H1-8: variants seen among roughly 807,000 people sequenced by gnomAD.
The protein encoded by H1-8 is H1.8 linker histone.
A neutral mutation model predicts 19.5 loss-of-function variants in H1-8; 13 were observed. The observed-to-expected ratio is 0.67, with a 90% CI of 0.43 to 1.06. The LOEUF is 1.06. Ranked by LOEUF, H1-8 falls within the 50% of genes least tolerant of loss-of-function variation. The probability of loss-of-function intolerance (pLI) is 0.00; values close to 1 mark genes in which losing one functional copy is unlikely to be tolerated. For missense variants in H1-8, 432 were observed against 459.8 expected (o/e 0.94, Z 0.55); for synonymous variants, 193 against 187.6 (o/e 1.03, Z -0.24).
chr3:129,548,943 T>TG, intron 2 of H1-8, 58 bp from the exon 3 acceptor site: 4 of 1,529,354 alleles, frequency 2.6e-6, no homozygotes, highest in Middle Eastern at 1.8e-4. Context: ...TTACGGGGGG[T>TG]GGGGGGCGTG....
chr3:129,544,662 G>C (rs1187577621), intron 1 of H1-8, among the ~76,000 whole-genome samples: 1 of 152,068 alleles, frequency 6.6e-6, no homozygotes, highest in Non-Finnish European at 1.5e-5. Flanking sequence ...GAACAGACCT[G>C]AGGGAGGACT....
In H1-8 at chr3:129,549,171, G is replaced by A; in HGVS notation, c.549G>A (p.Val183=). The A allele has an allele frequency of 6.4e-7, 1 of 1,564,602 alleles. No individual in the cohort carries two copies. The highest frequency in any genetic ancestry group is 1.2e-5 in the South Asian group (1 of 85,872). The change falls in exon 3 of 5, where the codon GTG becomes GTA. Residue 183 remains valine, a synonymous_variant. Coordinates refer to ENST00000324382, the MANE Select transcript of H1-8 (RefSeq NM_153833.3). The part of the protein sequence containing the change: ...VKKAAKRPAK[V]QKPPPKPGAA... The stretch of plus-strand genomic sequence containing the variant: ...AGGCAGCCAAGAGGCCAGCAAAGGT[G>A]CAGAAGCCTCCTCCCAAGCCAGGCG...
At chr3:129,548,607 G>A in intron 2 of H1-8, 8 of 700,526 alleles carry the variant, frequency 1.1e-5, no homozygotes, top group Non-Finnish European at 1.4e-5. Flanking sequence ...GAGAAGACGT[G>A]GCTGTGGTAC....
rs1045156935 is a variant in H1-8 at position 129,549,230 on chromosome 3, CG to C, written c.610del (p.Ala204ProfsTer?). On this transcript the variant is annotated frameshift_variant, in exon 3 of 5. Coordinates refer to ENST00000324382, the MANE Select transcript of H1-8 (RefSeq NM_153833.3). LOFTEE classifies it high-confidence loss of function. ...ATEKARKQGG[A>X]AKDTRAQSGE... The stretch of plus-strand genomic sequence containing the variant: ...GAGAAGGCTCGCAAGCAAGGCGGCG[CG>C]GCCAAGGACACCAGGGCACAGTCGG... The C allele has an allele frequency of 6.3e-7, 1 of 1,582,514 alleles. No individual in the cohort carries two copies. Among genetic ancestry groups the C allele is most frequent in the African/African-American group, 1.3e-5 (1 of 74,654 alleles).
chr3:129,544,343 A>G (rs935840976), intron 1 of H1-8, among the ~76,000 whole-genome samples: 1 of 151,978 alleles, frequency 6.6e-6, no homozygotes, highest in Non-Finnish European at 1.5e-5. Context: ...GGTGTGAGAT[A>G]CAGCGAGGAG....
intron 3 of H1-8, 93 bp from the exon 4 acceptor site, chr3:129,550,652 A>G (rs2084926221): frequency 2.0e-6 from 2 of 1,020,420 alleles, no homozygotes; most frequent in Admixed American, 1.8e-5. Context: ...CCTAGGACCC[A>G]GGAGGAATGG....
chr3:129,543,447 T>TCACCCAGCACCCACCCAGCACC lies in H1-8; in HGVS notation c.88+142_88+163dup, dbSNP rs755193609. On this transcript the variant is annotated intron_variant, in intron 1 of 4. Coordinates refer to ENST00000324382, the MANE Select transcript of H1-8 (RefSeq NM_153833.3). ...CACCCACCCAGCACTCACCCAGCAC[T>TCACCCAGCACCCACCCAGCACC]CACCCAGCACCCACCCAGCACCAAG... The TCACCCAGCACCCACCCAGCACC allele has an allele frequency of 2.2e-3, 1,425 of 641,452 alleles. 26 individuals are homozygous for TCACCCAGCACCCACCCAGCACC. Among genetic ancestry groups the TCACCCAGCACCCACCCAGCACC allele is most frequent in the African/African-American group, 0.022 (1,174 of 54,440 alleles). 39.7% of individuals were successfully genotyped at this position (641,452 alleles called of 1,614,324 possible).
intron 2 of H1-8, chr3:129,548,372 C>T: frequency 1.0e-6 from 1 of 986,278 alleles, no homozygotes; most frequent in East Asian, 1.1e-4. Context: ...GGGCGTGGGT[C>T]AGAGCCTGGA....
At chr3:129,550,961 C>G (rs1017724491) in intron 4 of H1-8, 146 bp from the exon 5 acceptor site, 1 of 941,654 alleles carries the variant, frequency 1.1e-6, no homozygotes, top group Admixed American at 2.5e-5. Context: ...TCTCTGGTCC[C>G]CTGGCACCCT....
In H1-8 at chr3:129,548,939, G is replaced by C. The variant is rs1049908661; in HGVS notation, c.379-62G>C. On this transcript the variant is annotated intron_variant, in intron 2 of 4. Coordinates refer to ENST00000324382, the MANE Select transcript of H1-8 (RefSeq NM_153833.3). ...AGGCCTCCCATTCGGAGTCTTACGG[G>C]GGGTGGGGGGCGTGAGGCACCTGAG... is the stretch of plus-strand genomic sequence containing the variant. The C allele has an allele frequency of 3.9e-6, 6 of 1,532,454 alleles. No individual in the cohort carries two copies. The African/African-American group carries it at 6.9e-5, about 18-fold the overall frequency. 94.9% of individuals were successfully genotyped at this position (1,532,454 alleles called of 1,614,324 possible).
intron 1 of H1-8, 32 bp from the exon 2 acceptor site, chr3:129,547,359 G>A (rs1412901954): frequency 2.0e-6 from 3 of 1,465,240 alleles, no homozygotes; most frequent in Non-Finnish European, 1.8e-6. Flanking sequence ...TTGTGACTGG[G>A]CCCCGGGTGA....
chr3:129,549,189 G>T lies in H1-8; in HGVS notation c.567G>T (p.Lys189Asn), dbSNP rs2084913760. The part of the protein sequence containing the change: ...RPAKVQKPPP[K>N]PGAATEKARK... Reference sequence around the variant, plus strand: ...CAAAGGTGCAGAAGCCTCCTCCCAAGCCAGGCGCAGCCACAGAGAAGGCTC... The same window carrying T: ...CAAAGGTGCAGAAGCCTCCTCCCAATCCAGGCGCAGCCACAGAGAAGGCTC... The change falls in exon 3 of 5, where the codon AAG (lysine) becomes AAT (asparagine). Residue 189 changes from lysine (K) to asparagine (N), a missense_variant. Transcript: ENST00000324382. 1 of 1,565,234 alleles carries T rather than the reference G, an allele frequency of 6.4e-7. No homozygotes were observed. The highest frequency in any genetic ancestry group is 1.9e-5 in the Admixed American group (1 of 51,568).
At chr3:129,545,355 C>A (rs147075843) in intron 1 of H1-8, among the ~76,000 whole-genome samples, 26 of 152,268 alleles carry the variant, frequency 1.7e-4, no homozygotes, top group Admixed American at 6.5e-4. Context: ...ATATTTAAAT[C>A]CCTTTTATGC....
At chr3:129,550,284 C>A (rs2084923977) in intron 3 of H1-8, among the ~76,000 whole-genome samples, 1 of 152,122 alleles carries the variant, frequency 6.6e-6, no homozygotes, top group Non-Finnish European at 1.5e-5. Flanking sequence ...TACCTGTTGC[C>A]CCAGCTACTT....
At chr3:129,543,520 C>T (rs186681768) in intron 1 of H1-8, among the ~76,000 whole-genome samples, 1 of 152,144 alleles carries the variant, frequency 6.6e-6, no homozygotes, top group Non-Finnish European at 1.5e-5. Flanking sequence ...CTACAGGTAG[C>T]AAGGCCAGGT....
At chr3:129,545,047 A>G (rs550249782) in intron 1 of H1-8, among the ~76,000 whole-genome samples, 1 of 151,038 alleles carries the variant, frequency 6.6e-6, no homozygotes, top group Non-Finnish European at 1.5e-5. Flanking sequence ...TTGAAAAAAA[A>G]TTTTAATATA....
chr3:129,546,009 G>A (rs2084883886), intron 1 of H1-8, among the ~76,000 whole-genome samples: 1 of 151,968 alleles, frequency 6.6e-6, no homozygotes. Context: ...GAGCATGGTG[G>A]CTCATGCTTG....
At chr3:129,550,839 GCTGC>G in intron 4 of H1-8, 30 bp downstream of exon 4, 1 of 1,589,588 alleles carries the variant, frequency 6.3e-7, no homozygotes, top group Non-Finnish European at 8.6e-7. Flanking sequence ...TCCTGGCCTG[GCTGC>G]CTGCCCTGAA....
chr3:129,548,267 A>G lies in H1-8; in HGVS notation c.378+587A>G, dbSNP rs60499318. 9,063 of 929,326 alleles carry G rather than the reference A, an allele frequency of 9.8e-3. 625 individuals are homozygous for G. In the African/African-American group the frequency reaches 0.15, roughly 15 times the overall value. The allele number at this position is 929,326 out of a possible 1,614,324, so 57.6% of individuals were successfully genotyped here. ...TGTAGCAGCTGCCATGACAGTTGCC[A>G]TGGAATGCTGGGGAACATTCTCAGC... On this transcript the variant is annotated intron_variant, in intron 2 of 4. Transcript: ENST00000324382.
Sources: allele counts gnomAD v4.1 joint callset (sites outside exome capture counted in the v4.1 genomes callset), GRCh38; gene constraint gnomAD v4.1.1; transcripts MANE v1.5; gene names NCBI Gene and HGNC (gene_info 2026-07-23, HGNC 2026-07-21).